The following ARHGAP24 variants were observed in gnomAD, a reference collection of about 807,000 sequenced individuals.
ARHGAP24 encodes the protein rho GTPase-activating protein 24.
In ARHGAP24, 50 loss-of-function variants were observed where a neutral mutation model predicts 76.4. The ratio of observed to expected loss-of-function variants is 0.65; its 90% CI spans 0.52 to 0.83. The LOEUF is 0.83. ARHGAP24 is among the 40% of genes least tolerant of loss of function. The probability of loss-of-function intolerance (pLI) is 0.00; values close to 1 mark genes in which losing one functional copy is unlikely to be tolerated. For synonymous variants in ARHGAP24, 345 were observed against 323.3 expected (o/e 1.07, Z -0.72); for missense variants, 930 against 914.2 (o/e 1.02, Z -0.22).
At chr4:85,972,402 G>T in intron 6 of ARHGAP24, 1 of 531,974 alleles carries the variant, frequency 1.9e-6, no homozygotes, top group Non-Finnish European at 3.3e-6. Context: ...ACGACTTGCC[G>T]CTTTCTTTCC....
At position 85,814,418 on chromosome 4, in the gene ARHGAP24, C is replaced by A. The variant is rs11943151; in HGVS notation, c.268+92446C>A. Among the ~76,000 whole-genome samples, 1,497 of 152,238 alleles carry A rather than the reference C, an allele frequency of 9.8e-3. 28 individuals carry two copies. The highest frequency in any genetic ancestry group is 0.034 in the African/African-American group (1,400 of 41,530). On this transcript the variant is annotated intron_variant, in intron 3 of 9. Transcript: ENST00000395184. ...AAGCAAGTTAGTTACTTTCTAGATACAATGGGGGTACAGTAATTGGGTAAC... is the reference window on the plus strand; with the variant it reads ...AAGCAAGTTAGTTACTTTCTAGATAAAATGGGGGTACAGTAATTGGGTAAC...
chr4:85,746,500 G>T (rs1039254577), intron 3 of ARHGAP24, among the ~76,000 whole-genome samples: 1 of 152,032 alleles, frequency 6.6e-6, no homozygotes, highest in Non-Finnish European at 1.5e-5. Context: ...TCCTTTGTAT[G>T]ATTTCATTTT....
chr4:85,659,484 G>GT (rs1722300504), intron 2 of ARHGAP24, among the ~76,000 whole-genome samples: 1 of 152,044 alleles, frequency 6.6e-6, no homozygotes, highest in African/African-American at 2.4e-5. Context: ...ATATTCCTGT[G>GT]TTATCTACAA....
chr4:85,570,317 C>A (rs182136107), intron 1 of ARHGAP24, among the ~76,000 whole-genome samples: 7 of 151,998 alleles, frequency 4.6e-5, no homozygotes, highest in Admixed American at 4.6e-4. Context: ...CTCTCTCTTT[C>A]TCTTTCTCTC....
At chr4:85,890,670 C>G (rs1546491) in intron 3 of ARHGAP24, among the ~76,000 whole-genome samples, 1 of 151,810 alleles carries the variant, frequency 6.6e-6, no homozygotes, top group African/African-American at 2.4e-5. Context: ...AATAGCCTAT[C>G]TAGAAAATCA....
chr4:85,643,647 C>T (rs1345422591), intron 2 of ARHGAP24, among the ~76,000 whole-genome samples: 3 of 152,060 alleles, frequency 2.0e-5, no homozygotes, highest in Admixed American at 6.6e-5. Context: ...ATTTCTCCCA[C>T]GGGGGAATAA....
At chr4:85,791,037 T>C (rs570006061) in intron 3 of ARHGAP24, among the ~76,000 whole-genome samples, 9 of 152,312 alleles carry the variant, frequency 5.9e-5, no homozygotes, top group African/African-American at 2.2e-4. Context: ...CTGTAAGAAC[T>C]AAATAGTAGG....
chr4:85,726,988 G>T (rs113756097), intron 3 of ARHGAP24, among the ~76,000 whole-genome samples: 3 of 152,012 alleles, frequency 2.0e-5, no homozygotes, highest in Admixed American at 6.5e-5. Context: ...GATCCAAGGT[G>T]GGGGGATCCT....
At chr4:85,797,420 GCCTCGGCCT>G (rs1301492767) in intron 3 of ARHGAP24, among the ~76,000 whole-genome samples, 2 of 152,096 alleles carry the variant, frequency 1.3e-5, no homozygotes, top group African/African-American at 4.8e-5. Context: ...TGATCCACCC[GCCTCGGCCT>G]CCCAAAGTGC....
At chr4:85,789,418 T>C (rs913069619) in intron 3 of ARHGAP24, among the ~76,000 whole-genome samples, 4 of 151,492 alleles carry the variant, frequency 2.6e-5, no homozygotes, top group Admixed American at 2.6e-4. Flanking sequence ...TTGGCTGGAG[T>C]TCAGGGATAA....
At chr4:85,677,735 A>G (rs1006478121) in intron 2 of ARHGAP24, among the ~76,000 whole-genome samples, 1 of 152,236 alleles carries the variant, frequency 6.6e-6, no homozygotes, top group African/African-American at 2.4e-5. Flanking sequence ...AAATGAGCAC[A>G]AGCCAACTGT....
intron 1 of ARHGAP24, among the ~76,000 whole-genome samples, chr4:85,530,473 T>A (rs1162363426): frequency 2.0e-5 from 3 of 152,034 alleles, no homozygotes; most frequent in Admixed American, 2.0e-4. Flanking sequence ...ACACCATGCC[T>A]CAGTGCTCTC....
intron 2 of ARHGAP24, among the ~76,000 whole-genome samples, chr4:85,638,023 T>G (rs1175842734): frequency 6.6e-6 from 1 of 152,020 alleles, no homozygotes; most frequent in Non-Finnish European, 1.5e-5. Flanking sequence ...CATACCACAT[T>G]CTCGTCCCAG....
At chr4:85,774,176 C>T (rs930184365) in intron 3 of ARHGAP24, among the ~76,000 whole-genome samples, 12 of 152,110 alleles carry the variant, frequency 7.9e-5, no homozygotes, top group Non-Finnish European at 1.5e-4. Context: ...GTGAGCCAGT[C>T]ACATTATCCA....
chr4:85,977,537 A>G (rs768907301), intron 7 of ARHGAP24, 33 bp from the exon 8 acceptor site: 8 of 1,608,732 alleles, frequency 5.0e-6, no homozygotes, highest in South Asian at 2.2e-5. Context: ...ATTTGATCCC[A>G]TTGTATTTCA....
At chr4:85,780,213 G>A (rs192809361) in intron 3 of ARHGAP24, among the ~76,000 whole-genome samples, 22 of 150,878 alleles carry the variant, frequency 1.5e-4, no homozygotes, top group Admixed American at 6.6e-4. Context: ...TTGCTCTGTC[G>A]CCCAGGCTGG....
Position 86,001,023 on chromosome 4 carries a change from G to T in ARHGAP24, c.*301G>T. The T allele has an allele frequency of 2.0e-6, 1 of 494,082 alleles. No individual in the cohort carries two copies. The allele number at this position is 494,082 out of a possible 1,614,324, so 30.6% of individuals were successfully genotyped here. On this transcript the variant is annotated 3_prime_UTR_variant, in exon 10 of 10. Transcript: ENST00000395184. ...TTTATTGCAAGTCTTGTATTTAAAT[G>T]TTAAATCAATATGTTGTTGCAATTT...
intron 3 of ARHGAP24, among the ~76,000 whole-genome samples, chr4:85,756,837 T>G (rs951099061): frequency 6.6e-6 from 1 of 152,316 alleles, no homozygotes; most frequent in East Asian, 1.9e-4. Flanking sequence ...AAGCCCCGTG[T>G]TGACCAAGGG....
chr4:85,880,297 G>T (rs1733169428), intron 3 of ARHGAP24, among the ~76,000 whole-genome samples: 2 of 152,114 alleles, frequency 1.3e-5, no homozygotes, highest in African/African-American at 2.4e-5. Flanking sequence ...GAGGTGAATG[G>T]CACAGGCATT....
Sources: allele counts gnomAD v4.1 joint callset (sites outside exome capture counted in the v4.1 genomes callset), GRCh38; gene constraint gnomAD v4.1.1; transcripts MANE v1.5; gene names NCBI Gene and HGNC (gene_info 2026-07-23, HGNC 2026-07-21).